The following ATRX variants were observed in gnomAD, a reference collection of about 807,000 sequenced individuals.
ATRX encodes chromatin remodeler ATRX.
ATRX carries 12 observed loss-of-function variants against 172.6 expected under a neutral mutation model. The ratio of observed to expected loss-of-function variants is 0.07; its 90% CI spans 0.04 to 0.11. The LOEUF (loss-of-function observed/expected upper bound fraction) is 0.11. Among genes scored for constraint, ATRX ranks in the 10% least tolerant of loss-of-function variants. The pLI is 1.00. For missense variants in ATRX, 1,368 were observed against 1,767.4 expected, an observed-to-expected ratio of 0.77 and a Z score of 4.05; for synonymous variants, 674 against 594.7, an observed-to-expected ratio of 1.13 and a Z score of -1.94.
intron 25 of ATRX, chrX:77,596,572 A>G (rs1557084013): frequency 9.0e-6 from 1 of 111,503 alleles, no homozygotes; most frequent in East Asian, 2.8e-4. Flanking sequence ...AAAATGAAAC[A>G]AAAATCCTAG....
At chrX:77,654,796 G>T (rs1309644527) in intron 13 of ATRX, among the ~76,000 whole-genome samples, 1 of 111,235 alleles carries the variant, frequency 9.0e-6, no homozygotes, top group Admixed American at 9.5e-5. Flanking sequence ...TCCTTTTCTG[G>T]GTATATACCC....
chrX:77,595,997 CTTCT>C (rs1200300814), intron 25 of ATRX: 1 of 111,262 alleles, frequency 9.0e-6, no homozygotes, highest in African/African-American at 3.3e-5. Context: ...ATGAACTCTC[CTTCT>C]AATAAAAAAC....
chrX:77,676,938 AT>A (rs1557133902), intron 9 of ATRX, among the ~76,000 whole-genome samples: 2 of 111,639 alleles, frequency 1.8e-5, no homozygotes, highest in African/African-American at 6.5e-5. Context: ...CCTGGCCAAC[AT>A]GGCAAAATCC....
intron 1 of ATRX, among the ~76,000 whole-genome samples, chrX:77,769,281 G>GT (rs368296460): frequency 0.039 from 3,827 of 98,938 alleles, 182 homozygotes; most frequent in African/African-American, 0.12. Context: ...TTTTTTGTTT[G>GT]TTTTTTTTTT....
intron 34 of ATRX, among the ~76,000 whole-genome samples, chrX:77,513,316 C>CAA (rs1217104194): frequency 0.025 from 646 of 25,375 alleles, 46 homozygotes; most frequent in Non-Finnish European, 0.029. Context: ...GACTCCGTCT[C>CAA]AAAAAAAAAA....
chrX:77,561,845 T>C (rs1311713251), intron 28 of ATRX: 2 of 111,669 alleles, frequency 1.8e-5, no homozygotes, highest in African/African-American at 6.5e-5. Flanking sequence ...AACCAGGAAA[T>C]TGATGTTGGT....
At chrX:77,629,342 T>C (rs1297381879) in intron 19 of ATRX, among the ~76,000 whole-genome samples, 1 of 112,522 alleles carries the variant, frequency 8.9e-6, no homozygotes, top group East Asian at 2.8e-4. Flanking sequence ...AGATCCCTTC[T>C]AATAAATTTA....
chrX:77,660,601 AAAT>A (rs1310731845), intron 12 of ATRX, among the ~76,000 whole-genome samples: 45 of 109,689 alleles, frequency 4.1e-4, no homozygotes, highest in African/African-American at 1.4e-3. Flanking sequence ...AAAAATAAAA[AAAT>A]AATAATAATA....
intron 34 of ATRX, among the ~76,000 whole-genome samples, chrX:77,519,812 C>T (rs2063169349): frequency 9.0e-6 from 1 of 111,221 alleles, no homozygotes; most frequent in Non-Finnish European, 1.9e-5. Context: ...TAGGCCTATA[C>T]CCAAAAGAAA....
intron 15 of ATRX, among the ~76,000 whole-genome samples, chrX:77,642,940 G>A (rs1255068064): frequency 9.0e-6 from 1 of 110,795 alleles, no homozygotes; most frequent in Non-Finnish European, 1.9e-5. Context: ...GCTAACCCAG[G>A]CAACATAGCA....
Position 77,681,928 on chromosome X carries a change from A to G in ATRX, c.3328T>C (p.Ser1110Pro), listed in dbSNP as rs782698480. ...SSRKRQDCSS[S>P]DTEKYSMKED... Reference sequence around the variant, plus strand: ...TTCATGGAATATTTCTCAGTATCAGATGATGAACAATCTTGTCTCTTCCTT... The same window carrying G: ...TTCATGGAATATTTCTCAGTATCAGGTGATGAACAATCTTGTCTCTTCCTT... Residue 1110 changes from serine (S) to proline (P), a missense_variant, in exon 9 of 35, where the codon TCT (serine) becomes CCT (proline). Physicochemically the swap from Ser to Pro is moderately conservative, Grantham distance 74 (BLOSUM62 -1). Around this residue, in one of 17 missense-constraint regions of ATRX, gnomAD observed 843 missense variants for 643.1 expected, o/e 1.31. Coordinates refer to ENST00000373344, the MANE Select transcript of ATRX (RefSeq NM_000489.6). The G allele has an allele frequency of 1.7e-6, 2 of 1,208,785 alleles. No individual in the cohort carries two copies. Among genetic ancestry groups the G allele is most frequent in the Non-Finnish European group, 2.2e-6 (2 of 894,712 alleles).
chrX:77,699,528 T>G (rs1439725372), intron 2 of ATRX: 1 of 110,866 alleles, frequency 9.0e-6, no homozygotes, highest in Non-Finnish European at 1.9e-5. Flanking sequence ...GAAGAAAAGA[T>G]GAACAAACTT....
At chrX:77,773,522 G>A (rs2076238554) in intron 1 of ATRX, among the ~76,000 whole-genome samples, 1 of 111,384 alleles carries the variant, frequency 9.0e-6, no homozygotes, top group Admixed American at 9.6e-5. Context: ...GAAAGGCCAA[G>A]GCGGGCGGAT....
intron 22 of ATRX, among the ~76,000 whole-genome samples, chrX:77,603,171 C>A (rs1281302127): frequency 4.5e-5 from 5 of 110,704 alleles, no homozygotes; most frequent in African/African-American, 1.6e-4. Context: ...AATATATCAA[C>A]ACTGAATAAA....
chrX:77,542,744 T>C (rs782464554), intron 30 of ATRX, among the ~76,000 whole-genome samples: 5 of 111,796 alleles, frequency 4.5e-5, no homozygotes, highest in East Asian at 2.8e-4. Flanking sequence ...ATAAATGGTG[T>C]TGGGAAAACT....
At chrX:77,635,152 G>C (rs1368192028) in intron 16 of ATRX, among the ~76,000 whole-genome samples, 1 of 110,961 alleles carries the variant, frequency 9.0e-6, no homozygotes, top group Admixed American at 9.6e-5. Flanking sequence ...CGTGGTGGTG[G>C]TGTGCACCTG....
chrX:77,583,025 T>A (rs1557074903), intron 27 of ATRX, among the ~76,000 whole-genome samples: 1 of 111,583 alleles, frequency 9.0e-6, no homozygotes, highest in Non-Finnish European at 1.9e-5. Flanking sequence ...CAAAACCAGA[T>A]AAACACACAT....
chrX:77,745,173 GAAAAAAA>G (rs1247509964), intron 1 of ATRX, among the ~76,000 whole-genome samples: 2 of 27,446 alleles, frequency 7.3e-5, no homozygotes, highest in Non-Finnish European at 1.3e-4. Flanking sequence ...TCTCAAAAAT[GAAAAAAA>G]AAAAAAAAAA....
chrX:77,527,614 C>T (rs2063425437), intron 30 of ATRX, among the ~76,000 whole-genome samples: 1 of 111,674 alleles, frequency 9.0e-6, no homozygotes. Context: ...GCTCCTGCCC[C>T]GGGATCCCCG....
Sources: allele counts gnomAD v4.1 joint callset (sites outside exome capture counted in the v4.1 genomes callset), GRCh38; gene constraint gnomAD v4.1.1; regional missense constraint gnomAD v4.1.1; transcripts MANE v1.5; gene names NCBI Gene and HGNC (gene_info 2026-07-23, HGNC 2026-07-21).